CNTN5: variants seen among roughly 807,000 people sequenced by gnomAD.
CNTN5 encodes the protein contactin-5.
CNTN5 carries 77 observed loss-of-function variants against 129.1 expected under a neutral mutation model. The observed-to-expected ratio is 0.60, with a 90% CI of 0.50 to 0.72. The LOEUF is 0.72. CNTN5 is among the 30% of genes least tolerant of loss of function. The pLI, the probability that CNTN5 is intolerant of heterozygous loss-of-function variation, is 0.00. For synonymous variants in CNTN5, 509 were observed against 465.6 expected (o/e 1.09, Z -1.20); for missense variants, 1,478 against 1,328.8 (o/e 1.11, Z -1.75).
intron 3 of CNTN5, among the ~76,000 whole-genome samples, chr11:99,602,336 G>C (rs1247650455): frequency 6.6e-6 from 1 of 152,050 alleles, no homozygotes. Flanking sequence ...GATTTAGTTA[G>C]TAGAAATAGT....
chr11:99,844,696 A>T, intron 4 of CNTN5, 156 bp from the exon 5 acceptor site: 1 of 645,074 alleles, frequency 1.6e-6, no homozygotes, highest in Non-Finnish European at 2.6e-6. Context: ...TTAATAAAAC[A>T]ATGCAGTTTT....
At chr11:99,668,876 G>A (rs1362081931) in intron 3 of CNTN5, among the ~76,000 whole-genome samples, 3 of 152,064 alleles carry the variant, frequency 2.0e-5, no homozygotes, top group Admixed American at 6.6e-5. Context: ...GCATTGTTAA[G>A]GACGAAAACA....
chr11:99,530,427 A>G (rs1345127941), intron 2 of CNTN5, among the ~76,000 whole-genome samples: 1 of 152,104 alleles, frequency 6.6e-6, no homozygotes, highest in Admixed American at 6.5e-5. Flanking sequence ...ACAATAACAA[A>G]CACTTATTGA....
intron 13 of CNTN5, among the ~76,000 whole-genome samples, chr11:100,152,464 C>T (rs548539218): frequency 2.0e-4 from 30 of 152,144 alleles, no homozygotes; most frequent in Admixed American, 9.8e-4. Flanking sequence ...TGCTTTTATG[C>T]GTGACACAGA....
rs530561761 is a variant in CNTN5 at position 99,648,524 on chromosome 11, C to T, written c.55+92255C>T. 3.1e-4 allele frequency among the ~76,000 whole-genome samples: 47 copies of T among 151,860 alleles called. No homozygotes were observed. In the South Asian group the frequency reaches 9.8e-3, roughly 32 times the overall value. The stretch of plus-strand genomic sequence containing the variant: ...AACAGTATGGAGGTTCCTTAAAGAA[C>T]TAAAAATAGCACTACCATATGATTC... On this transcript the variant is annotated intron_variant, in intron 3 of 24. Transcript: ENST00000524871.
At chr11:99,322,279 G>T (rs1865606471) in intron 1 of CNTN5, among the ~76,000 whole-genome samples, 1 of 152,050 alleles carries the variant, frequency 6.6e-6, no homozygotes. Flanking sequence ...CATGTTTCTG[G>T]TGTCTACTTG....
intron 2 of CNTN5, among the ~76,000 whole-genome samples, chr11:99,523,287 G>A (rs1444171801): frequency 6.6e-6 from 1 of 152,166 alleles, no homozygotes; most frequent in Non-Finnish European, 1.5e-5. Flanking sequence ...GTAAATTACA[G>A]TCTGGATTAT....
chr11:100,046,969 G>A (rs1281192264), intron 9 of CNTN5, among the ~76,000 whole-genome samples: 2 of 152,112 alleles, frequency 1.3e-5, no homozygotes, highest in African/African-American at 4.8e-5. Flanking sequence ...GTTTCATAGA[G>A]CTGAAAGGAC....
chr11:99,472,702 T>A (rs1331496700), intron 2 of CNTN5, among the ~76,000 whole-genome samples: 1 of 152,130 alleles, frequency 6.6e-6, no homozygotes, highest in Non-Finnish European at 1.5e-5. Context: ...GGAGTCTCAC[T>A]CGGTTGCCCA....
At chr11:99,807,800 A>G (rs1221263787) in intron 3 of CNTN5, among the ~76,000 whole-genome samples, 3 of 152,210 alleles carry the variant, frequency 2.0e-5, no homozygotes, top group Non-Finnish European at 4.4e-5. Flanking sequence ...AATCAAATGA[A>G]GATAAATCCA....
intron 3 of CNTN5, among the ~76,000 whole-genome samples, chr11:99,700,955 G>T (rs2134868316): frequency 6.6e-6 from 1 of 151,318 alleles, no homozygotes; most frequent in Admixed American, 6.6e-5. Context: ...CATAGGGCAG[G>T]TGGTTTTTGT....
intron 6 of CNTN5, among the ~76,000 whole-genome samples, chr11:99,897,452 C>T (rs1393339995): frequency 6.6e-6 from 1 of 152,084 alleles, no homozygotes; most frequent in African/African-American, 2.4e-5. Flanking sequence ...GTGGACTTCT[C>T]AGCAGAGACC....
At chr11:99,571,945 A>G (rs1193114729) in intron 3 of CNTN5, among the ~76,000 whole-genome samples, 6 of 152,210 alleles carry the variant, frequency 3.9e-5, no homozygotes, top group East Asian at 1.9e-4. Context: ...TTCTTCATAT[A>G]ATATACATAA....
chr11:100,117,124 C>T (rs942262861), intron 13 of CNTN5, among the ~76,000 whole-genome samples: 1 of 151,962 alleles, frequency 6.6e-6, no homozygotes, highest in East Asian at 1.9e-4. Context: ...TTCTTTTCTC[C>T]TGGCAAAAGG....
intron 2 of CNTN5, among the ~76,000 whole-genome samples, chr11:99,438,477 A>C (rs974508975): frequency 9.2e-5 from 14 of 152,262 alleles, no homozygotes; most frequent in African/African-American, 3.1e-4. Context: ...TCACCTAAAA[A>C]TATCTTTCTG....
Position 99,819,640 on chromosome 11 carries a change from G to A in CNTN5, c.152G>A (p.Arg51Lys), listed in dbSNP as rs1356042006. ...TCATCTCTCTTTGGTTCCAAAACCA[G>A]ACCACGATACAGCAGCCCTTCATTA... ...SSSSLFGSKT[R>K]PRYSSPSLGT... Residue 51 changes from arginine (R) to lysine (K), a missense_variant, in exon 4 of 25, where the codon AGA becomes AAA. Arg to Lys is a conservative substitution (Grantham distance 26, BLOSUM62 2). Transcript: ENST00000524871. 2.5e-6 allele frequency: 4 copies of A among 1,612,930 alleles called. No homozygotes were observed. The highest frequency in any genetic ancestry group is 2.2e-5 in the East Asian group (1 of 44,864).
At chr11:99,945,791 G>A (rs981523487) in intron 7 of CNTN5, among the ~76,000 whole-genome samples, 1 of 151,932 alleles carries the variant, frequency 6.6e-6, no homozygotes, top group African/African-American at 2.4e-5. Flanking sequence ...CACGCTCATC[G>A]AGTTGAGCCC....
intron 1 of CNTN5, among the ~76,000 whole-genome samples, chr11:99,303,109 G>T (rs905523692): frequency 2.0e-5 from 3 of 151,550 alleles, no homozygotes; most frequent in Admixed American, 2.0e-4. Context: ...GAACCATAAA[G>T]TTTTATGCAT....
At chr11:100,061,681 A>G (rs1319352434) in intron 10 of CNTN5, among the ~76,000 whole-genome samples, 1 of 152,200 alleles carries the variant, frequency 6.6e-6, no homozygotes, top group Admixed American at 6.5e-5. Context: ...ACAAGTTAAA[A>G]ATCTTGGAAA....
Sources: gnomAD v4.1 joint callset for allele counts (sites outside exome capture counted in the v4.1 genomes callset) on GRCh38, gnomAD v4.1.1 for gene constraint, MANE v1.5 for transcripts, NCBI Gene and HGNC (gene_info 2026-07-23, HGNC 2026-07-21) for gene names.